The following PPARGC1A variants were observed in gnomAD, a reference collection of about 807,000 sequenced individuals.
The protein encoded by PPARGC1A is peroxisome proliferator-activated receptor gamma coactivator 1-alpha.
In PPARGC1A, 25 loss-of-function variants were observed where a neutral mutation model predicts 88.7. The ratio of observed to expected loss-of-function variants is 0.28; its 90% CI spans 0.21 to 0.39. The LOEUF is 0.39. PPARGC1A is among the 10% of genes least tolerant of loss of function. The probability of loss-of-function intolerance (pLI) is 1.00; values close to 1 mark genes in which losing one functional copy is unlikely to be tolerated. For synonymous variants in PPARGC1A, 363 were observed against 355.6 expected (o/e 1.02, Z -0.24); for missense variants, 880 against 968.7 (o/e 0.91, Z 1.22).
the PPARGC1A span, among the ~76,000 whole-genome samples, chr4:24,028,539 CT>C: frequency 7.9e-5 from 12 of 152,294 alleles, no homozygotes; most frequent in Admixed American, 2.0e-4. Context: ...GTCCAGCCCA[CT>C]TTATGCCCAA....
the PPARGC1A span, among the ~76,000 whole-genome samples, chr4:24,396,074 G>A: frequency 2.6e-5 from 4 of 152,054 alleles, no homozygotes; most frequent in African/African-American, 4.8e-5. Flanking sequence ...GACTCAACCT[G>A]TTACTGATCC....
chr4:23,874,822 C>T (rs58790065), intron 2 of PPARGC1A, among the ~76,000 whole-genome samples: 5,324 of 152,280 alleles, frequency 0.035, 120 homozygotes, highest in Non-Finnish European at 0.05. Context: ...TCCCTACCTC[C>T]TCCCTTTCTT....
chr4:24,193,088 C>T, the PPARGC1A span, among the ~76,000 whole-genome samples: 1 of 152,096 alleles, frequency 6.6e-6, no homozygotes, highest in African/African-American at 2.4e-5. Context: ...AGTCGTAATG[C>T]AAATTTAAGG....
chr4:24,038,501 G>A, the PPARGC1A span, among the ~76,000 whole-genome samples: 1 of 152,152 alleles, frequency 6.6e-6, no homozygotes, highest in South Asian at 2.1e-4. Context: ...TACCTCTCCT[G>A]AGTCTAACCC....
chr4:24,472,554 C>G, the PPARGC1A span, among the ~76,000 whole-genome samples: 1 of 152,008 alleles, frequency 6.6e-6, no homozygotes, highest in Non-Finnish European at 1.5e-5. The surrounding 1 kb of genome is among the most constrained non-coding windows in gnomAD (Gnocchi z 4.5). Context: ...ACCAATAAGC[C>G]AAGAAGAAAT....
At chr4:23,978,429 T>C in the PPARGC1A span, among the ~76,000 whole-genome samples, 3 of 152,304 alleles carry the variant, frequency 2.0e-5, no homozygotes, top group South Asian at 6.2e-4. Flanking sequence ...TTATACACTT[T>C]AGGTGGTTTG....
At chr4:24,027,998 T>A in the PPARGC1A span, among the ~76,000 whole-genome samples, 11 of 152,264 alleles carry the variant, frequency 7.2e-5, no homozygotes, top group African/African-American at 2.6e-4. Context: ...ATTATTATCA[T>A]CCCCATTTAA....
the PPARGC1A span, among the ~76,000 whole-genome samples, chr4:24,170,206 T>TA: frequency 1.3e-5 from 2 of 151,990 alleles, no homozygotes; most frequent in African/African-American, 4.8e-5. Flanking sequence ...TGGTGAAGGG[T>TA]AAAAAATCAG....
chr4:24,390,520 G>A, the PPARGC1A span, among the ~76,000 whole-genome samples: 1 of 151,914 alleles, frequency 6.6e-6, no homozygotes, highest in African/African-American at 2.4e-5. Context: ...TGCATGTTAT[G>A]CACATGTGCA....
the PPARGC1A span, among the ~76,000 whole-genome samples, chr4:24,470,508 G>A: frequency 7.9e-5 from 12 of 152,074 alleles, no homozygotes; most frequent in African/African-American, 2.4e-4. This position sits in a 1 kb window ranked among gnomAD's most constrained non-coding sequence, Gnocchi z 5.8. Context: ...GGGCAGCCGG[G>A]CACCCTCCGG....
At chr4:24,236,267 A>G in the PPARGC1A span, among the ~76,000 whole-genome samples, 2 of 152,122 alleles carry the variant, frequency 1.3e-5, no homozygotes, top group East Asian at 1.9e-4. Context: ...AGCTTTATCT[A>G]AGGACAAAAA....
At chr4:24,465,714 C>T in the PPARGC1A span, among the ~76,000 whole-genome samples, 5 of 152,182 alleles carry the variant, frequency 3.3e-5, no homozygotes, top group Non-Finnish European at 7.4e-5. Context: ...GTTTTCCCTC[C>T]GCTTCCCACA....
At chr4:23,977,631 G>A in the PPARGC1A span, among the ~76,000 whole-genome samples, 2 of 152,130 alleles carry the variant, frequency 1.3e-5, no homozygotes, top group Admixed American at 6.6e-5. Flanking sequence ...CACGGCACAC[G>A]TTTACCTATG....
chr4:24,185,775 T>C, the PPARGC1A span, among the ~76,000 whole-genome samples: 4 of 150,734 alleles, frequency 2.7e-5, no homozygotes, highest in Non-Finnish European at 3.0e-5. Flanking sequence ...CTCCCAATGC[T>C]ATCCCTCCCC....
the PPARGC1A span, among the ~76,000 whole-genome samples, chr4:23,977,154 G>A: frequency 6.6e-6 from 1 of 152,126 alleles, no homozygotes; most frequent in Non-Finnish European, 1.5e-5. Flanking sequence ...ATCTACTTTG[G>A]ACCACAATAT....
chr4:24,170,024 A>G, the PPARGC1A span, among the ~76,000 whole-genome samples: 5 of 152,342 alleles, frequency 3.3e-5, no homozygotes, highest in African/African-American at 1.2e-4. Flanking sequence ...TTAAAAATTC[A>G]TAACACTTTC....
At chr4:24,430,877 G>A in the PPARGC1A span, among the ~76,000 whole-genome samples, 1 of 152,122 alleles carries the variant, frequency 6.6e-6, no homozygotes, top group South Asian at 2.1e-4. Flanking sequence ...CAGCACTCTG[G>A]GAGGCTGAGG....
rs397834767 is a variant in PPARGC1A, at chr4:23,795,319, A to G, written c.*503T>C. On this transcript the variant is annotated 3_prime_UTR_variant, in exon 13 of 13. Coordinates refer to ENST00000264867, the MANE Select transcript of PPARGC1A (RefSeq NM_013261.5). ...TATATATATATATATATATATATAT[A>G]TATATATATATTTCCTTTTGAATAG... is the stretch of plus-strand genomic sequence containing the variant. 4.0e-4 allele frequency: 6 copies of G among 15,138 alleles called. No individual in the cohort carries two copies. Among genetic ancestry groups the G allele is most frequent in the African/African-American group, 1.0e-3 (6 of 5,938 alleles). 0.9% of individuals were successfully genotyped at this position (15,138 alleles called of 1,614,324 possible). A position where few individuals can be genotyped will look rare whatever the true frequency, so the allele number is the denominator to read the frequency against.
At chr4:23,993,934 C>T in the PPARGC1A span, among the ~76,000 whole-genome samples, 1 of 152,130 alleles carries the variant, frequency 6.6e-6, no homozygotes, top group African/African-American at 2.4e-5. Context: ...AACAATCCAT[C>T]AGACACTTTT....
Sources: allele counts gnomAD v4.1 joint callset (sites outside exome capture counted in the v4.1 genomes callset), GRCh38; gene constraint gnomAD v4.1.1; non-coding constraint Gnocchi (gnomAD v3.1); transcripts MANE v1.5; gene names NCBI Gene and HGNC (gene_info 2026-07-23, HGNC 2026-07-21).